The following POGZ variants were observed in gnomAD, a reference collection of about 807,000 sequenced individuals.
POGZ encodes pogo transposable element derived with ZNF domain.
In POGZ, 17 loss-of-function variants were observed where a neutral mutation model predicts 134.6. The observed-to-expected ratio is 0.13, with a 90% CI of 0.09 to 0.19. The LOEUF (loss-of-function observed/expected upper bound fraction) is 0.19. Ranked by LOEUF, POGZ falls within the 10% of genes least tolerant of loss-of-function variation. POGZ has a pLI of 1.00. For missense variants in POGZ, 1,306 were observed against 1,769.7 expected (o/e 0.74, Z 4.70); for synonymous variants, 693 against 657.1 (o/e 1.05, Z -0.84).
chr1:151,424,341 A>T, intron 8 of POGZ, 55 bp from the exon 9 acceptor site: 2 of 1,057,154 alleles, frequency 1.9e-6, no homozygotes, highest in Non-Finnish European at 2.8e-6. Context: ...GAATGTGCTA[A>T]CTCCTTAACT....
At chr1:151,410,864 TAC>T (rs1654542344) in intron 12 of POGZ, among the ~76,000 whole-genome samples, 1 of 152,200 alleles carries the variant, frequency 6.6e-6, no homozygotes, top group South Asian at 2.1e-4. Context: ...TATTCTTAAC[TAC>T]TGCATTGCTA....
intron 1 of POGZ, among the ~76,000 whole-genome samples, chr1:151,443,307 T>C (rs1660814434): frequency 6.6e-6 from 1 of 152,188 alleles, no homozygotes; most frequent in African/African-American, 2.4e-5. Flanking sequence ...ACTACTACCT[T>C]GTACGTCTAG....
intron 2 of POGZ, 138 bp from the exon 3 acceptor site, chr1:151,441,224 T>A (rs1432650247): frequency 5.0e-6 from 3 of 604,412 alleles, no homozygotes; most frequent in Non-Finnish European, 8.6e-6. Flanking sequence ...CAACTGTTCA[T>A]GTGATTTCTC....
Position 151,452,215 on chromosome 1 carries a change from T to C in POGZ, c.-2+6937A>G, listed in dbSNP as rs372360285. Among the ~76,000 whole-genome samples, 40 of 151,548 alleles carry C rather than the reference T, an allele frequency of 2.6e-4. No individual in the cohort carries two copies. The East Asian group carries it at 4.7e-3, about 18-fold the overall frequency. On this transcript the variant is annotated intron_variant, in intron 1 of 18. Transcript: ENST00000271715. ...CAATCTGGGAAACAGAACCGATCCC[T>C]CTAAAAAATTTTTAAACAGAAAGGA... is the stretch of plus-strand genomic sequence containing the variant.
chr1:151,452,112 A>C (rs921541805), intron 1 of POGZ, among the ~76,000 whole-genome samples: 3 of 134,908 alleles, frequency 2.2e-5, no homozygotes, highest in East Asian at 2.7e-4. Context: ...AAAAAAAAAA[A>C]AAAAAAAAAA....
intron 12 of POGZ, among the ~76,000 whole-genome samples, chr1:151,409,537 A>G (rs1395590674): frequency 6.6e-6 from 1 of 152,080 alleles, no homozygotes; most frequent in African/African-American, 2.4e-5. Flanking sequence ...GGGTGTCACC[A>G]TGTTGCCCAG....
intron 1 of POGZ, among the ~76,000 whole-genome samples, chr1:151,450,026 T>C (rs866744421): frequency 7.6e-6 from 1 of 131,200 alleles, no homozygotes; most frequent in Non-Finnish European, 1.7e-5. Context: ...AAACTTGATT[T>C]TTTTTTTTTT....
Position 151,424,074 on chromosome 1 carries a change from A to T in POGZ, c.1398T>A (p.Ile466=). 1 of 1,614,092 alleles carries T rather than the reference A, an allele frequency of 6.2e-7. No individual in the cohort carries two copies. The highest frequency in any genetic ancestry group is 8.5e-7 in the Non-Finnish European group (1 of 1,180,010). ...CATAGTAGAAGTCATCTACAAGCATAATGAGTTTGGTCTGGACGGCATCGC... is the reference window on the plus strand; with the variant it reads ...CATAGTAGAAGTCATCTACAAGCATTATGAGTTTGGTCTGGACGGCATCGC... ...NVGDAVQTKL[I]MLVDDFYYGR... The change falls in exon 9 of 19, where the codon ATT becomes ATA. Residue 466 remains isoleucine (I), a synonymous_variant. Coordinates refer to ENST00000271715, the MANE Select transcript of POGZ (RefSeq NM_015100.4).
At chr1:151,412,479 T>C in intron 10 of POGZ, 83 bp from the exon 11 acceptor site, 1 of 749,634 alleles carries the variant, frequency 1.3e-6, no homozygotes. Context: ...TTTCTCTGCC[T>C]CCTTTATTTT....
chr1:151,408,277 C>T (rs926282644), intron 14 of POGZ, 37 bp from the exon 15 acceptor site: 2 of 1,601,018 alleles, frequency 1.2e-6, no homozygotes, highest in Non-Finnish European at 1.7e-6. Flanking sequence ...TCATTACTGC[C>T]TCATGGGTCC....
intron 1 of POGZ, among the ~76,000 whole-genome samples, chr1:151,456,161 C>T (rs1662749334): frequency 6.6e-6 from 1 of 152,144 alleles, no homozygotes; most frequent in South Asian, 2.1e-4. Flanking sequence ...TTTGCCTTTG[C>T]TTGATTTTGC....
chr1:151,405,562 T>A lies in POGZ; in HGVS notation c.3473A>T (p.Asp1158Val), dbSNP rs751735907. The A allele has an allele frequency of 6.2e-7, 1 of 1,614,192 alleles. No individual in the cohort carries two copies. ...ATCTGCCAGAATGGCTAGGACTACA[T>A]CACACCAAGGTTCCCCTGTGCCCAC... is the stretch of plus-strand genomic sequence containing the variant. ...QTVGTGEPWC[D>V]VVLAILADGT... Residue 1158 changes from aspartate (D) to valine (V), a missense_variant, in exon 19 of 19, where the codon GAT becomes GTT. Physicochemically the swap from Asp to Val is radical, Grantham distance 152. Transcript: ENST00000271715. This position sits in a 1 kb window ranked among gnomAD's most constrained non-coding sequence, Gnocchi z 4.9.
At chr1:151,430,283 A>C (rs1187556098) in intron 4 of POGZ, among the ~76,000 whole-genome samples, 1 of 152,210 alleles carries the variant, frequency 6.6e-6, no homozygotes, top group Non-Finnish European at 1.5e-5. Flanking sequence ...AAAGGTCTCC[A>C]TGAACTCCAC....
chr1:151,411,806 T>C, intron 11 of POGZ, 35 bp from the exon 12 acceptor site: 1 of 1,577,408 alleles, frequency 6.3e-7, no homozygotes, highest in Non-Finnish European at 8.6e-7. Flanking sequence ...AGGCTAAGAA[T>C]GAAGTGAACA....
rs1653152620 is a variant in POGZ, at chr1:151,404,032, ATT to A, written c.*768_*769del. 52 of 985,230 alleles carry A rather than the reference ATT, an allele frequency of 5.3e-5. No individual in the cohort carries two copies. Among genetic ancestry groups the A allele is most frequent in the Non-Finnish European group, 6.0e-5 (50 of 829,828 alleles). The allele number at this position is 985,230 out of a possible 1,614,324, so 61.0% of individuals were successfully genotyped here. The stretch of plus-strand genomic sequence containing the variant: ...GCCAAGGATCACAAGTGCAAAAAAT[ATT>A]GTTTATGTCATGTTTTGGAGGGAAG... On this transcript the variant is annotated 3_prime_UTR_variant, in exon 19 of 19. Transcript: ENST00000271715.
rs1012563969 is a variant in POGZ, at chr1:151,430,646, G to C, written c.459+20C>G. ...GTCTTTCTCTCCTCTAGCAACCTTGGAATTCAGAGTCCTACTCACCTGCGT... is the reference window on the plus strand; with the variant it reads ...GTCTTTCTCTCCTCTAGCAACCTTGCAATTCAGAGTCCTACTCACCTGCGT... On this transcript the variant is annotated intron_variant, in intron 4 of 18. Coordinates refer to ENST00000271715, the MANE Select transcript of POGZ (RefSeq NM_015100.4). 1.9e-6 allele frequency: 3 copies of C among 1,585,376 alleles called. No homozygotes were observed. The African/African-American group carries it at 4.1e-5, about 22-fold the overall frequency.
At chr1:151,427,630 A>G (rs1393641816) in intron 7 of POGZ, 193 bp downstream of exon 7, 1 of 564,844 alleles carries the variant, frequency 1.8e-6, no homozygotes, top group Non-Finnish European at 3.2e-6. Context: ...AATTACACAC[A>G]TAATTTCTTG....
At chr1:151,456,280 CTGA>C (rs1417733251) in intron 1 of POGZ, among the ~76,000 whole-genome samples, 1 of 152,162 alleles carries the variant, frequency 6.6e-6, no homozygotes, top group African/African-American at 2.4e-5. Context: ...TCCTTAACCA[CTGA>C]TATCATAAGG....
At chr1:151,453,588 T>G (rs1056410288) in intron 1 of POGZ, among the ~76,000 whole-genome samples, 1 of 152,236 alleles carries the variant, frequency 6.6e-6, no homozygotes, top group African/African-American at 2.4e-5. Flanking sequence ...ATTTGACATC[T>G]TGGTAACCTA....
Sources: allele counts gnomAD v4.1 joint callset (sites outside exome capture counted in the v4.1 genomes callset), GRCh38; gene constraint gnomAD v4.1.1; non-coding constraint Gnocchi (gnomAD v3.1); transcripts MANE v1.5; gene names NCBI Gene and HGNC (gene_info 2026-07-23, HGNC 2026-07-21).